The following HLCS variants were observed in gnomAD, a reference collection of about 807,000 sequenced individuals.
HLCS encodes the protein holocarboxylase synthetase.
In HLCS, 53 loss-of-function variants were observed where a neutral mutation model predicts 75.0. The ratio of observed to expected loss-of-function variants is 0.71; its 90% CI spans 0.57 to 0.89. The LOEUF is 0.89. Among genes scored for constraint, HLCS ranks in the 40% least tolerant of loss-of-function variants. The pLI, the probability that HLCS is intolerant of heterozygous loss-of-function variation, is 0.00. For synonymous variants in HLCS, 431 were observed against 428.6 expected (o/e 1.01, Z -0.07); for missense variants, 966 against 1,074.0 (o/e 0.90, Z 1.41).
Position 36,772,723 on chromosome 21 carries a change from G to A in HLCS, c.1893-5438C>T, listed in dbSNP as rs769168434. Among the ~76,000 whole-genome samples, 8 of 151,526 alleles carry A rather than the reference G, an allele frequency of 5.3e-5. No individual in the cohort carries two copies. In the South Asian group the frequency reaches 6.3e-4, roughly 12 times the overall value. On this transcript the variant is annotated intron_variant, in intron 6 of 10. Coordinates refer to ENST00000674895, the MANE Select transcript of HLCS (RefSeq NM_001352514.2). ...GAAGAGGCCGGGCGTGTTGGTTCAC[G>A]CCTGTAATCCCAACACTTTGGGAGG...
At chr21:36,962,275 A>T in intron 1 of HLCS, 105 bp from the exon 2 acceptor site, 4 of 744,568 alleles carry the variant, frequency 5.4e-6, no homozygotes, top group Non-Finnish European at 7.7e-6. Context: ...TCCAAGTGAC[A>T]TGGAAATAAG....
chr21:36,968,502 G>A (rs2068699734), upstream of HLCS: 1 of 149,490 alleles, frequency 6.7e-6, no homozygotes, highest in Non-Finnish European at 1.5e-5. Flanking sequence ...AGAAATAGAA[G>A]AAAAACAAAG....
intron 6 of HLCS, among the ~76,000 whole-genome samples, chr21:36,826,645 G>A (rs3787760): frequency 0.083 from 12,637 of 152,182 alleles, 756 homozygotes; most frequent in East Asian, 0.17. Flanking sequence ...ACATTCTACT[G>A]TACCACATTT....
At chr21:36,879,874 CA>C (rs2064135480) in intron 6 of HLCS, among the ~76,000 whole-genome samples, 1 of 150,344 alleles carries the variant, frequency 6.7e-6, no homozygotes, top group Non-Finnish European at 1.5e-5. Context: ...TGCACCACTA[CA>C]CTCCAGCCTG....
intron 1 of HLCS, among the ~76,000 whole-genome samples, chr21:36,983,956 C>A (rs1213771600): frequency 6.6e-6 from 1 of 152,010 alleles, no homozygotes; most frequent in Non-Finnish European, 1.5e-5. Flanking sequence ...CTGCCTCAGC[C>A]TCCCAAGTAG....
intron 5 of HLCS, among the ~76,000 whole-genome samples, chr21:36,902,874 T>C (rs1227463964): frequency 1.3e-5 from 2 of 152,122 alleles, no homozygotes; most frequent in African/African-American, 2.4e-5. Context: ...TATCCAGCCA[T>C]GTGGGCTTAG....
chr21:36,786,108 TCCA>T (rs1400786287), intron 6 of HLCS, among the ~76,000 whole-genome samples: 1 of 152,162 alleles, frequency 6.6e-6, no homozygotes, highest in Non-Finnish European at 1.5e-5. Flanking sequence ...GCTGCCCTTC[TCCA>T]GGGTTTCCTG....
At chr21:36,947,782 T>C (rs2067475467) in intron 2 of HLCS, 9 of 985,392 alleles carry the variant, frequency 9.1e-6, no homozygotes, top group Non-Finnish European at 1.1e-5. Flanking sequence ...CAGGTGGCCC[T>C]GCCCAACAGG....
rs2145731806 is a variant in HLCS at position 36,756,701 on chromosome 21, A to T, written c.2291T>A (p.Ile764Asn). 2 of 1,614,170 alleles carry T rather than the reference A, an allele frequency of 1.2e-6. No individual in the cohort carries two copies. The highest frequency in any genetic ancestry group is 2.2e-5 in the South Asian group (2 of 91,078). Reference sequence around the variant, plus strand: ...CTTGTGTTGTTTATTGTATTCTGTGATGAGGTCGTTGATGCAGATGGTAGG... The same window carrying T: ...CTTGTGTTGTTTATTGTATTCTGTGTTGAGGTCGTTGATGCAGATGGTAGG... ...SNPTICINDL[I>N]TEYNKQHKAE... is the part of the protein sequence containing the mutation. The change falls in exon 10 of 11, where the codon ATC becomes AAC. Residue 764 changes from isoleucine (I) to asparagine (N), a missense_variant. Ile to Asn is a moderately radical substitution (Grantham distance 149). Transcript: ENST00000674895.
upstream of HLCS, among the ~76,000 whole-genome samples, chr21:36,966,959 AGGG>A (rs1338190012): frequency 2.3e-5 from 3 of 130,028 alleles, no homozygotes. Flanking sequence ...GCACCCGGAG[AGGG>A]GGCTCGAGGG....
At chr21:36,930,088 A>G (rs1295148936) in intron 5 of HLCS, among the ~76,000 whole-genome samples, 163 bp downstream of exon 5, 1 of 152,210 alleles carries the variant, frequency 6.6e-6, no homozygotes, top group African/African-American at 2.4e-5. Context: ...TCCTCCCCCA[A>G]CAAAATGAAT....
chr21:36,819,050 C>T (rs771579326), intron 6 of HLCS, among the ~76,000 whole-genome samples: 18 of 152,072 alleles, frequency 1.2e-4, no homozygotes, highest in Non-Finnish European at 2.2e-4. Context: ...AATGCTTGAG[C>T]CCCTACAGAA....
At chr21:36,777,677 G>C (rs981337920) in intron 6 of HLCS, among the ~76,000 whole-genome samples, 3 of 152,140 alleles carry the variant, frequency 2.0e-5, no homozygotes, top group Non-Finnish European at 4.4e-5. Flanking sequence ...CCTCAATTTA[G>C]ATAATCAGAT....
At chr21:36,924,845 G>A (rs1246512781) in intron 5 of HLCS, among the ~76,000 whole-genome samples, 1 of 152,150 alleles carries the variant, frequency 6.6e-6, no homozygotes, top group African/African-American at 2.4e-5. Flanking sequence ...TAGAGAAGGA[G>A]GAACAACTGT....
At chr21:36,882,613 T>C (rs546710775) in intron 6 of HLCS, among the ~76,000 whole-genome samples, 92 of 136,452 alleles carry the variant, frequency 6.7e-4, no homozygotes, top group African/African-American at 2.6e-3. Context: ...GCTAATTTTC[T>C]TTCTTTCTTT....
rs2089979378 is a variant in HLCS at position 36,764,940 on chromosome 21, A to G, written c.2121+72T>C. On this transcript the variant is annotated intron_variant, in intron 8 of 10. Transcript: ENST00000674895. ...CTACAGCCACCAATTATGCAAGCAC[A>G]TGCTATAAACAAGAATAAGCCAGAT... 3 of 1,515,614 alleles carry G rather than the reference A, an allele frequency of 2.0e-6. 1 individual carries two copies. Among genetic ancestry groups the G allele is most frequent in the South Asian group, 2.2e-5 (2 of 88,902 alleles). 93.9% of individuals were successfully genotyped at this position (1,515,614 alleles called of 1,614,324 possible).
At chr21:36,833,328 T>A (rs1198472832) in intron 6 of HLCS, among the ~76,000 whole-genome samples, 1 of 150,808 alleles carries the variant, frequency 6.6e-6, no homozygotes, top group Non-Finnish European at 1.5e-5. Flanking sequence ...CTCACACCTG[T>A]AATCTCAGCA....
chr21:36,859,643 C>T (rs2063318182), intron 6 of HLCS, among the ~76,000 whole-genome samples: 1 of 152,228 alleles, frequency 6.6e-6, no homozygotes, highest in African/African-American at 2.4e-5. Context: ...CCTTGCTGCA[C>T]AGAGCAGTGA....
chr21:36,883,665 C>T (rs572653650), intron 6 of HLCS, among the ~76,000 whole-genome samples: 2 of 152,252 alleles, frequency 1.3e-5, no homozygotes, highest in Admixed American at 6.5e-5. Context: ...CTATCAGCAG[C>T]GCTGTGTGGG....
Sources: allele counts gnomAD v4.1 joint callset (sites outside exome capture counted in the v4.1 genomes callset), GRCh38; gene constraint gnomAD v4.1.1; transcripts MANE v1.5; gene names NCBI Gene and HGNC (gene_info 2026-07-23, HGNC 2026-07-21).